MYT1L: variants seen among roughly 807,000 people sequenced by gnomAD.
MYT1L encodes myelin transcription factor 1 like, also known as myelin transcription factor 1-like protein.
A neutral mutation model predicts 126.7 loss-of-function variants in MYT1L; 12 were observed. The ratio of observed to expected loss-of-function variants is 0.09; its 90% confidence interval spans 0.06 to 0.15. The LOEUF (loss-of-function observed/expected upper bound fraction) is 0.15, where lower values mean the gene tolerates loss of function less well. Ranked by LOEUF, MYT1L falls within the 10% of genes least tolerant of loss-of-function variation. The probability of loss-of-function intolerance (pLI) is 1.00; values close to 1 mark genes in which losing one functional copy is unlikely to be tolerated. For synonymous variants in MYT1L, 541 were observed against 604.2 expected (o/e 0.90, Z 1.53); for missense variants, 979 against 1,585.2 (o/e 0.62, Z 6.49).
intron 8 of MYT1L, among the ~76,000 whole-genome samples, chr2:1,962,342 T>C (rs974405617): frequency 6.6e-6 from 1 of 152,224 alleles, no homozygotes; most frequent in African/African-American, 2.4e-5. Context: ...TAGTGTTATG[T>C]CTAAAAATCA....
chr2:1,930,248 A>T (rs1303546357), intron 9 of MYT1L, among the ~76,000 whole-genome samples: 1 of 152,228 alleles, frequency 6.6e-6, no homozygotes, highest in Non-Finnish European at 1.5e-5. Flanking sequence ...TTGATTGGAA[A>T]GCCCACTTCT....
At chr2:1,933,003 C>T (rs190685645) in intron 9 of MYT1L, among the ~76,000 whole-genome samples, 6 of 152,114 alleles carry the variant, frequency 3.9e-5, no homozygotes, top group Admixed American at 3.9e-4. Context: ...CCTGTGTCAG[C>T]GTGCCTGGGA....
chr2:1,802,730 C>T lies in MYT1L; in HGVS notation c.3173-931G>A, dbSNP rs560822464. ...CTGGTTACTGGCAACATTACACTGCCAACGCCAAAGAGAAGGAGATTCCTC... is the reference window on the plus strand; with the variant it reads ...CTGGTTACTGGCAACATTACACTGCTAACGCCAAAGAGAAGGAGATTCCTC... On this transcript the variant is annotated intron_variant, in intron 22 of 24. Coordinates refer to ENST00000647738, the MANE Select transcript of MYT1L (RefSeq NM_001303052.2). Among the ~76,000 whole-genome samples, 3 of 152,332 alleles carry T rather than the reference C, an allele frequency of 2.0e-5. No individual in the cohort carries two copies. In the South Asian group the frequency reaches 6.2e-4, roughly 32 times the overall value.
chr2:2,055,621 CA>C (rs1167628742), intron 3 of MYT1L, among the ~76,000 whole-genome samples: 1 of 151,594 alleles, frequency 6.6e-6, no homozygotes, highest in Non-Finnish European at 1.5e-5. Context: ...ATTTGAAAGA[CA>C]AAAAATAGAC....
intron 8 of MYT1L, among the ~76,000 whole-genome samples, chr2:1,963,158 T>C (rs867335667): frequency 3.9e-5 from 6 of 152,336 alleles, no homozygotes; most frequent in Middle Eastern, 6.8e-3. Context: ...AAAGCCAACA[T>C]TCACCTCCTT....
At chr2:2,093,845 T>C (rs1297028790) in intron 3 of MYT1L, among the ~76,000 whole-genome samples, 1 of 152,234 alleles carries the variant, frequency 6.6e-6, no homozygotes, top group Non-Finnish European at 1.5e-5. Flanking sequence ...AAGTCTTTAA[T>C]CCATCTTGAA....
intron 2 of MYT1L, among the ~76,000 whole-genome samples, chr2:2,189,260 T>A (rs1195266219): frequency 2.6e-5 from 4 of 152,220 alleles, no homozygotes; most frequent in Admixed American, 6.5e-5. Flanking sequence ...TTGCTCACAA[T>A]GTTCTCCTGG....
chr2:2,214,325 C>T (rs1422860664), intron 2 of MYT1L, among the ~76,000 whole-genome samples: 2 of 151,460 alleles, frequency 1.3e-5, no homozygotes, highest in East Asian at 3.9e-4. Context: ...GCTGGCAGAA[C>T]AATCTCCAGA....
At chr2:2,276,100 A>G (rs1228968684) in intron 2 of MYT1L, among the ~76,000 whole-genome samples, 1 of 152,136 alleles carries the variant, frequency 6.6e-6, no homozygotes, top group Non-Finnish European at 1.5e-5. Context: ...CACCTGATAC[A>G]GTGGTGTATG....
At chr2:2,293,019 G>A (rs1372974456) in intron 1 of MYT1L, among the ~76,000 whole-genome samples, 1 of 152,168 alleles carries the variant, frequency 6.6e-6, no homozygotes, top group East Asian at 1.9e-4. Context: ...TCTGCTTACA[G>A]AGAAAATCTG....
intron 3 of MYT1L, among the ~76,000 whole-genome samples, chr2:2,116,282 G>A (rs919172975): frequency 7.2e-5 from 11 of 152,162 alleles, no homozygotes; most frequent in South Asian, 2.1e-4. Flanking sequence ...TCCATGTTAC[G>A]TTCTTGAAGA....
At chr2:2,296,200 A>G (rs2095691037) in intron 1 of MYT1L, among the ~76,000 whole-genome samples, 1 of 152,202 alleles carries the variant, frequency 6.6e-6, no homozygotes, top group Admixed American at 6.5e-5. Flanking sequence ...GTGCAGCTAA[A>G]CTTCCTCCTG....
At chr2:2,041,980 T>C (rs149647484) in intron 4 of MYT1L, among the ~76,000 whole-genome samples, 2 of 152,318 alleles carry the variant, frequency 1.3e-5, no homozygotes, top group Non-Finnish European at 2.9e-5. Context: ...AAAAATCATC[T>C]TTAAGCTAAT....
At chr2:2,007,947 T>A (rs550410192) in intron 4 of MYT1L, among the ~76,000 whole-genome samples, 1 of 152,346 alleles carries the variant, frequency 6.6e-6, no homozygotes, top group Admixed American at 6.5e-5. Context: ...GCCTGAATTC[T>A]GCTAAGGTGT....
At chr2:2,285,741 C>G (rs552769675) in intron 1 of MYT1L, among the ~76,000 whole-genome samples, 1 of 152,290 alleles carries the variant, frequency 6.6e-6, no homozygotes, top group South Asian at 2.1e-4. Context: ...AGAAGCTACA[C>G]GTTAGGTCAG....
intron 2 of MYT1L, among the ~76,000 whole-genome samples, chr2:2,283,582 A>G (rs1180577547): frequency 6.6e-6 from 1 of 152,186 alleles, no homozygotes; most frequent in Non-Finnish European, 1.5e-5. Flanking sequence ...AGCACTTCTC[A>G]ATTCCACCCA....
At chr2:1,897,512 G>C (rs983453152) in intron 14 of MYT1L, among the ~76,000 whole-genome samples, 3 of 152,042 alleles carry the variant, frequency 2.0e-5, no homozygotes, top group African/African-American at 7.2e-5. Flanking sequence ...ACCCAGGCTG[G>C]AGTGCAGTGG....
intron 3 of MYT1L, among the ~76,000 whole-genome samples, chr2:2,146,755 T>A (rs959617876): frequency 6.6e-6 from 1 of 152,230 alleles, no homozygotes; most frequent in Non-Finnish European, 1.5e-5. Flanking sequence ...TTTCGTAGAT[T>A]AATCAATGAG....
intron 5 of MYT1L, among the ~76,000 whole-genome samples, chr2:1,993,657 G>A (rs548621996): frequency 6.6e-6 from 1 of 152,136 alleles, no homozygotes; most frequent in Non-Finnish European, 1.5e-5. Context: ...TTACAAAAAT[G>A]ATTACATGTA....
Sources: allele counts gnomAD v4.1 joint callset (sites outside exome capture counted in the v4.1 genomes callset), GRCh38; gene constraint gnomAD v4.1.1; transcripts MANE v1.5; gene names NCBI Gene and HGNC (gene_info 2026-07-23, HGNC 2026-07-21).